The following ZNF287 variants were observed in gnomAD, a reference collection of about 807,000 sequenced individuals.
ZNF287 encodes zinc finger protein 287.
In ZNF287, 31 loss-of-function variants were observed where a neutral mutation model predicts 73.7. That is an observed-to-expected ratio of 0.42 (90% CI 0.32 to 0.57). ZNF287 has a LOEUF of 0.57. Among genes scored for constraint, ZNF287 ranks in the 20% least tolerant of loss-of-function variants. The probability of loss-of-function intolerance (pLI) is 0.13; values close to 1 mark genes in which losing one functional copy is unlikely to be tolerated. For synonymous variants in ZNF287, 301 were observed against 307.2 expected (o/e 0.98, Z 0.21); for missense variants, 641 against 909.3 (o/e 0.70, Z 3.79).
chr17:16,563,643 C>A, intron 4 of ZNF287, 56 bp downstream of exon 4: 1 of 1,563,470 alleles, frequency 6.4e-7, no homozygotes, highest in South Asian at 1.2e-5. Context: ...GTCTGAGGAC[C>A]AACCCATTTT....
rs970112863 is a variant in ZNF287, at chr17:16,550,876, A to C, written c.*980T>G. On this transcript the variant is annotated 3_prime_UTR_variant, in exon 6 of 6. Transcript: ENST00000395825. ...ATACCTACTTTTTTCCTTCAGGATG[A>C]CCTTGAATGTCAAAACCTAGTGAAA... Among the ~76,000 whole-genome samples, 2 of 152,222 alleles carry C rather than the reference A, an allele frequency of 1.3e-5. No individual in the cohort carries two copies. The highest frequency in any genetic ancestry group is 4.8e-5 in the African/African-American group (2 of 41,470).
Position 16,552,680 on chromosome 17 carries a change from T to A in ZNF287, c.1462A>T (p.Thr488Ser). The change falls in exon 6 of 6, where the codon ACC (threonine) becomes TCC (serine). Residue 488 changes from threonine to serine, a missense_variant. This residue lies in a region of ZNF287 where 284 missense variants were observed against 466.8 expected (regional missense o/e 0.61). Transcript: ENST00000395825. This position sits in a 1 kb window ranked among gnomAD's most constrained non-coding sequence, Gnocchi z 6.5. ...KPYKCLECGK[T>S]FSHSSSLINH... ...ATCAGTGATGAACTATGACTGAAGGTTTTACCACATTCCAAGCATTTATAT... is the reference window on the plus strand; with the variant it reads ...ATCAGTGATGAACTATGACTGAAGGATTTACCACATTCCAAGCATTTATAT... 1 of 1,613,846 alleles carries A rather than the reference T, an allele frequency of 6.2e-7. No homozygotes were observed. The highest frequency in any genetic ancestry group is 8.5e-7 in the Non-Finnish European group (1 of 1,179,938).
rs1906382986 is a variant in ZNF287, at chr17:16,548,086, A to G, written c.*3770T>C. 6.6e-6 allele frequency among the ~76,000 whole-genome samples: 1 copy of G among 152,216 alleles called. No individual in the cohort carries two copies. The highest frequency in any genetic ancestry group is 1.5e-5 in the Non-Finnish European group (1 of 68,042). On this transcript the variant is annotated 3_prime_UTR_variant, in exon 6 of 6. Coordinates refer to ENST00000395825, the MANE Select transcript of ZNF287 (RefSeq NM_020653.4). ...AACAAGTGTAGAGTGATAGAATTAG[A>G]AAATTGTCATTTTGCAAACATTGAT...
In ZNF287 at chr17:16,548,520, G is replaced by A. The variant is rs906669870; in HGVS notation, c.*3336C>T. Among the ~76,000 whole-genome samples the A allele has an allele frequency of 6.6e-5, 10 of 152,092 alleles. No homozygotes were observed. Among genetic ancestry groups the A allele is most frequent in the African/African-American group, 2.4e-4 (10 of 41,412 alleles). On this transcript the variant is annotated 3_prime_UTR_variant, in exon 6 of 6. Coordinates refer to ENST00000395825, the MANE Select transcript of ZNF287 (RefSeq NM_020653.4). Reference sequence around the variant, plus strand: ...CTCTCTTAAAGAGGAAAAACTGTCCGGGCGCGGTGGTTCACGCCTGTAATG... The same window carrying A: ...CTCTCTTAAAGAGGAAAAACTGTCCAGGCGCGGTGGTTCACGCCTGTAATG...
intron 5 of ZNF287, among the ~76,000 whole-genome samples, chr17:16,562,017 G>C (rs1251749647): frequency 1.3e-5 from 2 of 152,166 alleles, no homozygotes; most frequent in African/African-American, 4.8e-5. Context: ...ATAACTAACT[G>C]TAAAACGGCT....
intron 4 of ZNF287, 135 bp from the exon 5 acceptor site, chr17:16,563,367 G>C (rs1907558994): frequency 1.6e-6 from 1 of 632,950 alleles, no homozygotes; most frequent in Non-Finnish European, 2.7e-6. Flanking sequence ...TCTAATAAGA[G>C]AATTAGGCTG....
Position 16,566,442 on chromosome 17 carries a change from C to T in ZNF287, c.501+83G>A, listed in dbSNP as rs750308702. 687 of 1,118,864 alleles carry T rather than the reference C, an allele frequency of 6.1e-4. 1 individual carries two copies. Among genetic ancestry groups the T allele is most frequent in the Non-Finnish European group, 8.2e-4 (627 of 767,088 alleles). 69.3% of individuals were successfully genotyped at this position (1,118,864 alleles called of 1,614,324 possible). The stretch of plus-strand genomic sequence containing the variant: ...AAGTCCTTGATAGAGCTTCTGGGGG[C>T]ACAGTAGTTATAGGGCCAGGTCAGA... On this transcript the variant is annotated intron_variant, in intron 3 of 5. Coordinates refer to ENST00000395825, the MANE Select transcript of ZNF287 (RefSeq NM_020653.4).
intron 4 of ZNF287, 157 bp from the exon 5 acceptor site, chr17:16,563,389 C>T: frequency 1.7e-6 from 1 of 605,704 alleles, no homozygotes; most frequent in Non-Finnish European, 2.8e-6. Context: ...TGATTGTTAT[C>T]CTTTCAGAGA....
chr17:16,552,820 A>G lies in ZNF287; in HGVS notation c.1322T>C (p.Ile441Thr). The change falls in exon 6 of 6, where the codon ATA (isoleucine) becomes ACA (threonine). Residue 441 changes from isoleucine to threonine, a missense_variant. Ile to Thr is a moderately conservative substitution (Grantham distance 89). Transcript: ENST00000395825. This position sits in a 1 kb window ranked among gnomAD's most constrained non-coding sequence, Gnocchi z 6.5. ...CTCTCCAGTATGAATTCTCTGATGTATAGTAAGGTGTGCACGCTGGCTGAA... is the reference window on the plus strand; with the variant it reads ...CTCTCCAGTATGAATTCTCTGATGTGTAGTAAGGTGTGCACGCTGGCTGAA... ...KAFSQRAHLT[I>T]HQRIHTGEKP... 1 of 1,613,868 alleles carries G rather than the reference A, an allele frequency of 6.2e-7. No individual in the cohort carries two copies. The highest frequency in any genetic ancestry group is 8.5e-7 in the Non-Finnish European group (1 of 1,179,930).
chr17:16,565,951 C>A (rs1907718767), intron 3 of ZNF287, among the ~76,000 whole-genome samples: 1 of 152,196 alleles, frequency 6.6e-6, no homozygotes, highest in Non-Finnish European at 1.5e-5. Context: ...CGCACCACTG[C>A]ACTCCAGCCT....
At position 16,553,073 on chromosome 17, in the gene ZNF287, C is replaced by G; in HGVS notation, c.1069G>C (p.Val357Leu). Residue 357 changes from valine (V) to leucine (L), a missense_variant, in exon 6 of 6, where the codon GTA (valine) becomes CTA (leucine). By Grantham distance (32) the Val-to-Leu change is conservative (BLOSUM62 1). Transcript: ENST00000395825. ...ATFNHVSYGI[V>L]HRKILPGEKP... ...TCTCCAGGAAGTATTTTCCTATGTACAATACCATATGAGACATGATTGAAG... is the reference window on the plus strand; with the variant it reads ...TCTCCAGGAAGTATTTTCCTATGTAGAATACCATATGAGACATGATTGAAG... The G allele has an allele frequency of 1.9e-6, 3 of 1,614,148 alleles. No individual in the cohort carries two copies. In the South Asian group the frequency reaches 3.3e-5, roughly 18 times the overall value.
At chr17:16,565,709 G>C (rs531676065) in intron 3 of ZNF287, among the ~76,000 whole-genome samples, 1 of 151,828 alleles carries the variant, frequency 6.6e-6, no homozygotes, top group East Asian at 1.9e-4. Flanking sequence ...ACTCATGGCC[G>C]GGCGCGGTGG....
intron 5 of ZNF287, 27 bp downstream of exon 5, chr17:16,563,119 G>C (rs1569021363): frequency 1.3e-6 from 2 of 1,513,246 alleles, no homozygotes. Context: ...TAAATACAAA[G>C]AAGCTCATGC....
rs11300403 is a variant in ZNF287 at position 16,549,370 on chromosome 17, TA to T, written c.*2485del. Among the ~76,000 whole-genome samples the T allele has an allele frequency of 0.12, 18,581 of 152,076 alleles. 2,281 individuals carry two copies. The highest frequency in any genetic ancestry group is 0.31 in the African/African-American group (13,002 of 41,416). ...ACATAAAACATACAAAGGCAGGAAA[TA>T]ACAGAGTAATGCAAAGGAAGGCGCT... On this transcript the variant is annotated 3_prime_UTR_variant, in exon 6 of 6. Transcript: ENST00000395825.
chr17:16,548,892 A>T lies in ZNF287; in HGVS notation c.*2964T>A, dbSNP rs991212112. Among the ~76,000 whole-genome samples, 3 of 152,230 alleles carry T rather than the reference A, an allele frequency of 2.0e-5. No homozygotes were observed. The highest frequency in any genetic ancestry group is 7.2e-5 in the African/African-American group (3 of 41,450). ...TGAAAACTGACTGGATCAACAGAGGAAATTTAAACACAGACTAAGTCTTCA... is the reference window on the plus strand; with the variant it reads ...TGAAAACTGACTGGATCAACAGAGGTAATTTAAACACAGACTAAGTCTTCA... On this transcript the variant is annotated 3_prime_UTR_variant, in exon 6 of 6. Coordinates refer to ENST00000395825, the MANE Select transcript of ZNF287 (RefSeq NM_020653.4).
chr17:16,555,748 A>G (rs756263742), intron 5 of ZNF287, among the ~76,000 whole-genome samples: 1 of 152,174 alleles, frequency 6.6e-6, no homozygotes, highest in Non-Finnish European at 1.5e-5. Context: ...ATAATTACTT[A>G]ACACAAAATT....
chr17:16,556,191 C>A (rs1004613711), intron 5 of ZNF287, among the ~76,000 whole-genome samples: 3 of 151,858 alleles, frequency 2.0e-5, no homozygotes, highest in Non-Finnish European at 4.4e-5. Flanking sequence ...CACACACACA[C>A]AAAATCTAAG....
rs1170230453 is a variant in ZNF287 at position 16,569,138 on chromosome 17, G to T, written c.-385C>A. ...GCCAGGAGCTGCACGTTCCAGCCCG[G>T]TCCTGAGAAGCCCGGCCCAGAAACC... On this transcript the variant is annotated 5_prime_UTR_variant, in exon 1 of 6. Transcript: ENST00000395825. 6.6e-6 allele frequency: 1 copy of T among 152,422 alleles called. No homozygotes were observed. The highest frequency in any genetic ancestry group is 1.5e-5 in the Non-Finnish European group (1 of 68,186). 9.4% of individuals were successfully genotyped at this position (152,422 alleles called of 1,614,324 possible).
chr17:16,565,000 G>T (rs1907664090), intron 3 of ZNF287, among the ~76,000 whole-genome samples: 1 of 151,960 alleles, frequency 6.6e-6, no homozygotes, highest in Non-Finnish European at 1.5e-5. Flanking sequence ...GATGACAGGT[G>T]TGAGCCACTG....
Sources: allele counts gnomAD v4.1 joint callset (sites outside exome capture counted in the v4.1 genomes callset), GRCh38; gene constraint gnomAD v4.1.1; regional missense constraint gnomAD v4.1.1; non-coding constraint Gnocchi (gnomAD v3.1); transcripts MANE v1.5; gene names NCBI Gene and HGNC (gene_info 2026-07-23, HGNC 2026-07-21).